CDC42BPB: variants seen among roughly 807,000 people sequenced by gnomAD.
CDC42BPB encodes the protein CDC42 binding protein kinase beta.
A neutral mutation model predicts 214.9 loss-of-function variants in CDC42BPB; 37 were observed. The ratio of observed to expected loss-of-function variants is 0.17; its 90% CI spans 0.13 to 0.23. The LOEUF (loss-of-function observed/expected upper bound fraction) is 0.23. CDC42BPB is among the 10% of genes least tolerant of loss of function. CDC42BPB has a pLI of 1.00. For missense variants in CDC42BPB, 1,694 were observed against 2,227.0 expected (o/e 0.76, Z 4.82); for synonymous variants, 931 against 884.0 (o/e 1.05, Z -0.94).
chr14:102,997,076 A>C (rs891952249), intron 5 of CDC42BPB, among the ~76,000 whole-genome samples: 12 of 152,024 alleles, frequency 7.9e-5, no homozygotes, highest in Admixed American at 2.6e-4. Context: ...AAGAGCTATA[A>C]CTCAGCAGCG....
chr14:102,951,032 CAA>C (rs1892467416), intron 24 of CDC42BPB, among the ~76,000 whole-genome samples: 1 of 152,144 alleles, frequency 6.6e-6, no homozygotes, highest in Admixed American at 6.5e-5. Context: ...TCCAGACACC[CAA>C]AAAGGTAAGA....
intron 1 of CDC42BPB, among the ~76,000 whole-genome samples, chr14:103,013,520 T>G (rs1210095069): frequency 6.6e-6 from 1 of 152,164 alleles, no homozygotes; most frequent in Non-Finnish European, 1.5e-5. Context: ...GACTGTAACC[T>G]CATTTGGAAA....
chr14:102,938,494 T>A (rs1195672767), intron 34 of CDC42BPB, 83 bp from the exon 35 acceptor site: 1 of 1,479,890 alleles, frequency 6.8e-7, no homozygotes, highest in Admixed American at 2.6e-5. Flanking sequence ...CTACGGTGGC[T>A]GTGGCCTCGT....
rs780795423 is a variant in CDC42BPB at position 103,057,131 on chromosome 14, G to A, written c.43C>T (p.Leu15=). ...CTCTCGTTGCGCCAGGGCCCGTCCA[G>A]GAGCAGCTGCTCCAGCTTCTTGAGC... is the stretch of plus-strand genomic sequence containing the variant. ...VRLKKLEQLL[L]DGPWRNESAL... is the part of the protein sequence containing the mutation. The change falls in exon 1 of 37, where the codon CTG becomes TTG. Residue 15 remains leucine, a synonymous_variant. Transcript: ENST00000361246. 121 of 1,511,164 alleles carry A rather than the reference G, an allele frequency of 8.0e-5. No individual in the cohort carries two copies. The highest frequency in any genetic ancestry group is 9.8e-5 in the Non-Finnish European group (111 of 1,135,786). 93.6% of individuals were successfully genotyped at this position (1,511,164 alleles called of 1,614,324 possible).
At chr14:102,988,394 C>A (rs560105781) in intron 5 of CDC42BPB, among the ~76,000 whole-genome samples, 1 of 151,226 alleles carries the variant, frequency 6.6e-6, no homozygotes, top group Non-Finnish European at 1.5e-5. Flanking sequence ...AATGAGAGGG[C>A]CCATAAGATT....
At chr14:102,980,030 A>C (rs963331236) in intron 8 of CDC42BPB, among the ~76,000 whole-genome samples, 6 of 152,260 alleles carry the variant, frequency 3.9e-5, no homozygotes, top group African/African-American at 1.4e-4. Context: ...AGAAAGATTT[A>C]ACGTGCTCTC....
chr14:102,996,078 G>A (rs1021558366), intron 5 of CDC42BPB, among the ~76,000 whole-genome samples: 4 of 152,230 alleles, frequency 2.6e-5, no homozygotes, highest in Admixed American at 6.5e-5. Flanking sequence ...GATGGCTCAC[G>A]CCTGTAATCC....
rs35303103 is a variant in CDC42BPB at position 103,024,574 on chromosome 14, A to G, written c.176-12386T>C. ...TTAGCAACTATTCGTAACATCCACC[A>G]AACTCTTAGGATTAATTCAAGCTTA... On this transcript the variant is annotated intron_variant, in intron 1 of 36. Transcript: ENST00000361246. Among the ~76,000 whole-genome samples the G allele has an allele frequency of 4.6e-4, 70 of 152,354 alleles. 1 individual carries two copies. In the East Asian group the frequency reaches 0.01, roughly 22 times the overall value.
At position 103,004,966 on chromosome 14, in the gene CDC42BPB, G is replaced by C. The variant is rs753774020; in HGVS notation, c.352-943C>G. ...GTGGATCACGAGGTCAGGAGATCAAGACCATCCTGGCTAACACCGTGAAAC... is the reference window on the plus strand; with the variant it reads ...GTGGATCACGAGGTCAGGAGATCAACACCATCCTGGCTAACACCGTGAAAC... On this transcript the variant is annotated intron_variant, in intron 3 of 36. Transcript: ENST00000361246. The surrounding 1 kb of genome is among the most constrained non-coding windows in gnomAD (Gnocchi z 5.3). 6.6e-6 allele frequency among the ~76,000 whole-genome samples: 1 copy of C among 151,948 alleles called. No homozygotes were observed. The highest frequency in any genetic ancestry group is 2.4e-5 in the African/African-American group (1 of 41,370).
Position 102,965,168 on chromosome 14 carries a change from G to A in CDC42BPB, c.2578-518C>T, listed in dbSNP as rs1298292581. Reference sequence around the variant, plus strand: ...AGGCTAGTCTCCAACTCCTGCTCTCGTGATCCACCCCCCTTGGCCTCCCAA... The same window carrying A: ...AGGCTAGTCTCCAACTCCTGCTCTCATGATCCACCCCCCTTGGCCTCCCAA... On this transcript the variant is annotated intron_variant, in intron 18 of 36. Coordinates refer to ENST00000361246, the MANE Select transcript of CDC42BPB (RefSeq NM_006035.4). Among the ~76,000 whole-genome samples the A allele has an allele frequency of 2.6e-5, 4 of 151,876 alleles. 1 individual carries two copies. The highest frequency in any genetic ancestry group is 4.8e-5 in the African/African-American group (2 of 41,362).
At chr14:102,936,390 C>A (rs1401603760) in intron 36 of CDC42BPB, among the ~76,000 whole-genome samples, 1 of 152,152 alleles carries the variant, frequency 6.6e-6, no homozygotes, top group Non-Finnish European at 1.5e-5. Context: ...CGTGGTCTAG[C>A]CATACAAGAG....
chr14:102,991,766 A>C (rs985651773), intron 5 of CDC42BPB, among the ~76,000 whole-genome samples: 30 of 152,232 alleles, frequency 2.0e-4, no homozygotes, highest in African/African-American at 7.2e-4. Context: ...CCCTTGTATA[A>C]GACTGAAATT....
chr14:103,013,695 G>C (rs1027022441), intron 1 of CDC42BPB, among the ~76,000 whole-genome samples: 2 of 152,208 alleles, frequency 1.3e-5, no homozygotes, highest in African/African-American at 4.8e-5. Context: ...TGATGCGGCC[G>C]CACACAAGGA....
chr14:102,994,579 G>A (rs983574624), intron 5 of CDC42BPB, among the ~76,000 whole-genome samples: 14 of 152,318 alleles, frequency 9.2e-5, no homozygotes, highest in Middle Eastern at 3.4e-3. Context: ...ATGGCACAGC[G>A]GGGAGCAGCG....
intron 9 of CDC42BPB, 195 bp from the exon 10 acceptor site, chr14:102,976,244 C>T (rs938884688): frequency 2.0e-6 from 2 of 983,794 alleles, no homozygotes; most frequent in African/African-American, 3.5e-5. Flanking sequence ...AAGGGCCCTC[C>T]CCATCGCTGG....
At chr14:102,949,635 G>T in intron 26 of CDC42BPB, 130 bp downstream of exon 26, 4 of 1,198,932 alleles carry the variant, frequency 3.3e-6, no homozygotes, top group Admixed American at 4.5e-5. Context: ...ACCCATTTTT[G>T]CAACCATACA....
intron 22 of CDC42BPB, 64 bp downstream of exon 22, chr14:102,954,538 T>G: frequency 6.8e-7 from 1 of 1,466,208 alleles, no homozygotes; most frequent in Non-Finnish European, 9.5e-7. Flanking sequence ...GTGAGCAGCA[T>G]CTGGTCACCT....
chr14:103,042,753 C>T (rs750076116), intron 1 of CDC42BPB, among the ~76,000 whole-genome samples: 8 of 152,106 alleles, frequency 5.3e-5, no homozygotes, highest in Admixed American at 3.3e-4. Context: ...CAATGAGAAA[C>T]GACTTCACAC....
At chr14:103,033,964 T>A (rs1021311136) in intron 1 of CDC42BPB, among the ~76,000 whole-genome samples, 4 of 152,198 alleles carry the variant, frequency 2.6e-5, no homozygotes, top group Admixed American at 6.5e-5. Flanking sequence ...AGCAGTTTTA[T>A]GAGCTGATAA....
Sources: gnomAD v4.1 joint callset for allele counts (sites outside exome capture counted in the v4.1 genomes callset) on GRCh38, gnomAD v4.1.1 for gene constraint, Gnocchi (gnomAD v3.1) non-coding constraint, MANE v1.5 for transcripts, NCBI Gene and HGNC (gene_info 2026-07-23, HGNC 2026-07-21) for gene names.